Variants in EXOC2 observed in about 807,000 individuals in gnomAD.
EXOC2 encodes the protein exocyst complex component 2.
Under a neutral mutation model 131.8 loss-of-function variants are expected in EXOC2, and 70 were observed. The ratio of observed to expected loss-of-function variants is 0.53; its 90% CI spans 0.44 to 0.65. EXOC2 has a LOEUF of 0.65. Among genes scored for constraint, EXOC2 ranks in the 30% least tolerant of loss-of-function variants. The pLI, the probability that EXOC2 is intolerant of heterozygous loss-of-function variation, is 0.00. For synonymous variants in EXOC2, 411 were observed against 398.4 expected, an observed-to-expected ratio of 1.03 and a Z score of -0.38; for missense variants, 923 against 1,108.6, an observed-to-expected ratio of 0.83 and a Z score of 2.38.
At chr6:626,172 G>A (rs577848377) in intron 4 of EXOC2, among the ~76,000 whole-genome samples, 3 of 152,278 alleles carry the variant, frequency 2.0e-5, no homozygotes, top group African/African-American at 7.2e-5. Context: ...TCAAAGTGAA[G>A]TTATTTTTTC....
chr6:655,375 A>C (rs758132772), intron 1 of EXOC2, among the ~76,000 whole-genome samples: 3 of 152,262 alleles, frequency 2.0e-5, no homozygotes, highest in Non-Finnish European at 4.4e-5. Context: ...AACAGACTAC[A>C]GTATAATGCA....
intron 23 of EXOC2, among the ~76,000 whole-genome samples, chr6:504,338 G>A (rs943063778): frequency 5.9e-5 from 9 of 152,222 alleles, no homozygotes; most frequent in Admixed American, 6.5e-5. Context: ...TTATGGAAGC[G>A]GCTGAGGCCT....
Position 506,674 on chromosome 6 carries a change from T to C in EXOC2, c.2381-6974A>G, listed in dbSNP as rs1443431089. Among the ~76,000 whole-genome samples the C allele has an allele frequency of 6.6e-6, 1 of 151,906 alleles. No homozygotes were observed. The highest frequency in any genetic ancestry group is 1.5e-5 in the Non-Finnish European group (1 of 67,960). ...CCACCCACACAGTATCAACCTAGAC[T>C]ACTACCACTTAGCAATTAATCTAGT... is the stretch of plus-strand genomic sequence containing the variant. On this transcript the variant is annotated intron_variant, in intron 23 of 27. Transcript: ENST00000230449. This position sits in a 1 kb window ranked among gnomAD's most constrained non-coding sequence, Gnocchi z 4.4.
chr6:599,057 A>G, intron 8 of EXOC2, 23 bp downstream of exon 8: 1 of 1,589,810 alleles, frequency 6.3e-7, no homozygotes, highest in South Asian at 1.2e-5. Context: ...AACCATATGT[A>G]AATAAATAAA....
chr6:566,130 G>A (rs1363853745), intron 13 of EXOC2, among the ~76,000 whole-genome samples: 1 of 152,138 alleles, frequency 6.6e-6, no homozygotes, highest in Non-Finnish European at 1.5e-5. Flanking sequence ...AACTAAACCT[G>A]CAATCCATCT....
chr6:559,558 C>T (rs1184004488), intron 17 of EXOC2, among the ~76,000 whole-genome samples: 1 of 152,104 alleles, frequency 6.6e-6, no homozygotes, highest in East Asian at 1.9e-4. Flanking sequence ...CACTGGGGGT[C>T]AGTTCTTTCG....
At chr6:665,493 G>A (rs1024181121) in intron 1 of EXOC2, among the ~76,000 whole-genome samples, 1 of 152,176 alleles carries the variant, frequency 6.6e-6, no homozygotes, top group Non-Finnish European at 1.5e-5. Context: ...TACGTTTATA[G>A]CAGCACAATT....
intron 21 of EXOC2, among the ~76,000 whole-genome samples, chr6:549,728 TA>T (rs1176641034): frequency 3.9e-5 from 6 of 152,264 alleles, no homozygotes; most frequent in Admixed American, 1.3e-4. Flanking sequence ...AAGTAGTTTA[TA>T]AATTTTTATA....
intron 22 of EXOC2, among the ~76,000 whole-genome samples, chr6:538,855 C>T (rs990947509): frequency 3.3e-5 from 5 of 152,020 alleles, no homozygotes; most frequent in African/African-American, 7.2e-5. Flanking sequence ...GGGTGGATCA[C>T]GGGGTCAGGA....
chr6:589,899 G>A (rs933102288), intron 11 of EXOC2, among the ~76,000 whole-genome samples: 2 of 152,242 alleles, frequency 1.3e-5, no homozygotes, highest in Admixed American at 1.3e-4. Flanking sequence ...GAGGTCAGGA[G>A]ATCGAGACCA....
At chr6:569,119 A>C (rs1332687570) in intron 13 of EXOC2, among the ~76,000 whole-genome samples, 2 of 152,234 alleles carry the variant, frequency 1.3e-5, no homozygotes, top group Admixed American at 1.3e-4. Context: ...ATTTTAATTT[A>C]TATATTATTG....
intron 22 of EXOC2, among the ~76,000 whole-genome samples, chr6:548,581 A>G (rs1202957131): frequency 6.6e-5 from 10 of 152,192 alleles, no homozygotes; most frequent in African/African-American, 2.4e-5. Flanking sequence ...CTTTTGCCCA[A>G]TCTTTCTGCG....
At chr6:581,342 T>C (rs1019366705) in intron 11 of EXOC2, among the ~76,000 whole-genome samples, 23 of 151,970 alleles carry the variant, frequency 1.5e-4, no homozygotes, top group African/African-American at 5.3e-4. Flanking sequence ...CAGAATTTTA[T>C]AATATTTGTT....
chr6:487,456 G>A (rs1283484895), intron 27 of EXOC2, among the ~76,000 whole-genome samples: 3 of 152,036 alleles, frequency 2.0e-5, no homozygotes, highest in South Asian at 2.1e-4. Flanking sequence ...GCCCAGGCTG[G>A]AGTGCAGTGG....
At chr6:490,999 A>C in intron 26 of EXOC2, 126 bp downstream of exon 26, 1 of 1,009,330 alleles carries the variant, frequency 9.9e-7, no homozygotes, top group South Asian at 1.5e-5. Context: ...CCTTGACATA[A>C]ACTTTATCAC....
intron 21 of EXOC2, among the ~76,000 whole-genome samples, chr6:552,205 T>C (rs79094389): frequency 0.017 from 2,533 of 152,302 alleles, 46 homozygotes; most frequent in African/African-American, 0.042. Flanking sequence ...AACCCTCCCA[T>C]GAAGTCCACA....
At chr6:583,328 C>T (rs1257958733) in intron 11 of EXOC2, among the ~76,000 whole-genome samples, 1 of 152,094 alleles carries the variant, frequency 6.6e-6, no homozygotes, top group Non-Finnish European at 1.5e-5. Context: ...TTCCGGCTGC[C>T]AGAAGTCTTC....
At position 667,794 on chromosome 6, in the gene EXOC2, C is replaced by T. The variant is rs1471276455; in HGVS notation, c.-44+25225G>A. ...TGGCTTCTCTGATTCTGTGGCTTGC[C>T]GACGCCTGTCATGGGACTTCTCAGC... On this transcript the variant is annotated intron_variant, in intron 1 of 27. Coordinates refer to ENST00000230449, the MANE Select transcript of EXOC2 (RefSeq NM_018303.6). 1.6e-4 allele frequency among the ~76,000 whole-genome samples: 5 copies of T among 30,794 alleles called. 2 individuals are homozygous for T. The East Asian group carries it at 0.014, about 88-fold the overall frequency. 20.2% of individuals were successfully genotyped at this position (30,794 alleles called of 152,430 possible). A position where few individuals can be genotyped will look rare whatever the true frequency, so the allele number is the denominator to read the frequency against.
chr6:589,728 G>C (rs1033763789), intron 11 of EXOC2, among the ~76,000 whole-genome samples: 1 of 152,240 alleles, frequency 6.6e-6, no homozygotes, highest in Non-Finnish European at 1.5e-5. Flanking sequence ...CCGGGAGCTT[G>C]AAATTGCCTG....
Sources: gnomAD v4.1 joint callset for allele counts (sites outside exome capture counted in the v4.1 genomes callset) on GRCh38, gnomAD v4.1.1 for gene constraint, Gnocchi (gnomAD v3.1) non-coding constraint, MANE v1.5 for transcripts, NCBI Gene and HGNC (gene_info 2026-07-23, HGNC 2026-07-21) for gene names.